Variants in RBFOX1 observed in about 807,000 individuals in gnomAD.
RBFOX1 encodes RNA binding fox-1 homolog 1.
A neutral mutation model predicts 57.7 loss-of-function variants in RBFOX1; 8 were observed. The observed-to-expected ratio is 0.14, with a 90% CI of 0.08 to 0.25. The LOEUF (loss-of-function observed/expected upper bound fraction) is 0.25, where lower values mean the gene tolerates loss of function less well. RBFOX1 is among the 10% of genes least tolerant of loss of function. The pLI is 1.00. For synonymous variants in RBFOX1, 326 were observed against 222.4 expected (o/e 1.47, Z -4.15); for missense variants, 611 against 548.5 (o/e 1.11, Z -1.14).
At chr16:6,481,978 A>G (rs76520010) in intron 2 of RBFOX1, among the ~76,000 whole-genome samples, 2,424 of 152,340 alleles carry the variant, frequency 0.016, 67 homozygotes, top group African/African-American at 0.056. Context: ...TGATGGTTAC[A>G]TAAGGAATTG....
chr16:6,948,743 T>TACAAAAC (rs1354238354), intron 3 of RBFOX1, among the ~76,000 whole-genome samples: 1 of 152,184 alleles, frequency 6.6e-6, no homozygotes, highest in Non-Finnish European at 1.5e-5. Context: ...AAATGTTCAC[T>TACAAAAC]ACTCCATTCA....
intron 3 of RBFOX1, among the ~76,000 whole-genome samples, chr16:6,841,195 A>T (rs1001667267): frequency 2.0e-5 from 3 of 152,144 alleles, no homozygotes; most frequent in African/African-American, 7.2e-5. Flanking sequence ...GACAATGATT[A>T]TGAAAAGATT....
chr16:6,842,006 G>T (rs1287827139), intron 3 of RBFOX1, among the ~76,000 whole-genome samples: 1 of 151,800 alleles, frequency 6.6e-6, no homozygotes, highest in African/African-American at 2.4e-5. Flanking sequence ...AGCCGGGCGT[G>T]GTGGCGGGCG....
intron 1 of RBFOX1, among the ~76,000 whole-genome samples, chr16:6,206,012 C>A (rs2097253133): frequency 6.6e-6 from 1 of 151,848 alleles, no homozygotes; most frequent in South Asian, 2.1e-4. Context: ...AAGAGCAGAA[C>A]ATAGAGATAG....
intron 2 of RBFOX1, among the ~76,000 whole-genome samples, chr16:6,640,039 C>T (rs1254822905): frequency 2.0e-5 from 3 of 152,114 alleles, no homozygotes; most frequent in Non-Finnish European, 4.4e-5. Flanking sequence ...TTCTGAAATA[C>T]AGAAACTAAA....
Position 6,486,082 on chromosome 16 carries a change from C to CTTTTT in RBFOX1, c.-63-168500_-63-168496dup, listed in dbSNP as rs71145234. 2.0e-3 allele frequency among the ~76,000 whole-genome samples: 124 copies of CTTTTT among 62,966 alleles called. 3 individuals are homozygous for CTTTTT. Among genetic ancestry groups the CTTTTT allele is most frequent in the Admixed American group, 3.1e-3 (14 of 4,552 alleles). The allele number at this position is 62,966 out of a possible 152,430, so 41.3% of individuals were successfully genotyped here. A position where few individuals can be genotyped will look rare whatever the true frequency, so the allele number is the denominator to read the frequency against. On this transcript the variant is annotated intron_variant, in intron 2 of 15. Transcript: ENST00000550418. ...AGTTGAAGGAGATCTCAGTAAAAGG[C>CTTTTT]TTTTTTTTTTTTTTTTTTTTTTTTT...
chr16:5,866,693 G>A (rs2057350612), intron 3 of RBFOX1, among the ~76,000 whole-genome samples: 1 of 152,124 alleles, frequency 6.6e-6, no homozygotes, highest in Non-Finnish European at 1.5e-5. Flanking sequence ...ATAACATCCC[G>A]ACTTTGGAAA....
chr16:7,281,278 C>T (rs552631088), intron 4 of RBFOX1, among the ~76,000 whole-genome samples: 54 of 151,854 alleles, frequency 3.6e-4, no homozygotes, highest in African/African-American at 1.3e-3. Flanking sequence ...GTTGGGACTA[C>T]AGGCGTGAGC....
chr16:7,375,222 G>A (rs1345965170), intron 4 of RBFOX1, among the ~76,000 whole-genome samples: 4 of 152,200 alleles, frequency 2.6e-5, no homozygotes, highest in Non-Finnish European at 5.9e-5. Context: ...TCGTTTCAGT[G>A]ACCAAGTCAC....
In RBFOX1 at chr16:7,191,025, T is replaced by C. The variant is rs539510703; in HGVS notation, c.27+138927T>C. Among the ~76,000 whole-genome samples, 4 of 152,192 alleles carry C rather than the reference T, an allele frequency of 2.6e-5. No homozygotes were observed. In the East Asian group the frequency reaches 7.7e-4, roughly 29 times the overall value. Reference sequence around the variant, plus strand: ...ATGCCTGTCTCCCACCCCCACATAGTGTCTAGATGATCAATCCTATTCGGG... The same window carrying C: ...ATGCCTGTCTCCCACCCCCACATAGCGTCTAGATGATCAATCCTATTCGGG... On this transcript the variant is annotated intron_variant, in intron 4 of 15. Transcript: ENST00000550418.
intron 3 of RBFOX1, among the ~76,000 whole-genome samples, chr16:6,769,028 A>G (rs1027097062): frequency 1.3e-5 from 2 of 152,064 alleles, no homozygotes; most frequent in Admixed American, 6.5e-5. Flanking sequence ...CGCCCAGCCA[A>G]TATTACTTCT....
At chr16:6,027,422 C>A (rs1441978476) in intron 1 of RBFOX1, among the ~76,000 whole-genome samples, 1 of 152,164 alleles carries the variant, frequency 6.6e-6, no homozygotes, top group East Asian at 1.9e-4. Flanking sequence ...GGAGGCAGTG[C>A]AGGTATTTCA....
chr16:7,509,422 G>GTC (rs1412742002), intron 4 of RBFOX1, among the ~76,000 whole-genome samples: 228 of 139,650 alleles, frequency 1.6e-3, no homozygotes, highest in African/African-American at 5.7e-3. Flanking sequence ...GTGTGTGTGT[G>GTC]TGTGTGTGTC....
At chr16:6,567,617 T>C (rs1023847972) in intron 2 of RBFOX1, among the ~76,000 whole-genome samples, 1 of 152,160 alleles carries the variant, frequency 6.6e-6, no homozygotes, top group Non-Finnish European at 1.5e-5. Context: ...GGAAAGGACC[T>C]TGTCTCTTTC....
chr16:7,465,258 C>G (rs2060298439), intron 4 of RBFOX1, among the ~76,000 whole-genome samples: 1 of 152,160 alleles, frequency 6.6e-6, no homozygotes, highest in African/African-American at 2.4e-5. Flanking sequence ...TCTGATAAGC[C>G]CAATTGAAGT....
chr16:5,275,323 A>G (rs1313789953), intron 1 of RBFOX1, among the ~76,000 whole-genome samples: 2 of 152,216 alleles, frequency 1.3e-5, no homozygotes, highest in Non-Finnish European at 2.9e-5. Context: ...GCTTATTGCT[A>G]TTTAAAAATA....
intron 2 of RBFOX1, among the ~76,000 whole-genome samples, chr16:6,491,570 A>G (rs1213467712): frequency 5.3e-5 from 8 of 152,338 alleles, no homozygotes; most frequent in Non-Finnish European, 1.0e-4. Flanking sequence ...AGAATTGCAC[A>G]TCATTATCCT....
intron 3 of RBFOX1, among the ~76,000 whole-genome samples, chr16:5,727,165 G>A (rs185640190): frequency 6.6e-6 from 1 of 152,284 alleles, no homozygotes; most frequent in African/African-American, 2.4e-5. Context: ...TACTCAGGAA[G>A]CTGAGGCAGG....
intron 14 of RBFOX1, among the ~76,000 whole-genome samples, chr16:7,686,804 A>G (rs1433719965): frequency 6.6e-6 from 1 of 152,124 alleles, no homozygotes; most frequent in African/African-American, 2.4e-5. Context: ...CTGAGCCTAG[A>G]CAAGAAGTGC....
Sources: gnomAD v4.1 joint callset for allele counts (sites outside exome capture counted in the v4.1 genomes callset) on GRCh38, gnomAD v4.1.1 for gene constraint, MANE v1.5 for transcripts, NCBI Gene and HGNC (gene_info 2026-07-23, HGNC 2026-07-21) for gene names.